The following IPCEF1 variants were observed in gnomAD, a reference collection of about 807,000 sequenced individuals.
IPCEF1 encodes interaction protein for cytohesin exchange factors 1.
In IPCEF1, 31 loss-of-function variants were observed where a neutral mutation model predicts 50.9. The observed-to-expected ratio is 0.61, with a 90% CI of 0.46 to 0.82. The LOEUF is 0.82. Among genes scored for constraint, IPCEF1 ranks in the 40% least tolerant of loss-of-function variants. IPCEF1 has a pLI of 0.00. For synonymous variants in IPCEF1, 181 were observed against 192.0 expected, an observed-to-expected ratio of 0.94 and a Z score of 0.47; for missense variants, 458 against 514.0, an observed-to-expected ratio of 0.89 and a Z score of 1.05.
intron 1 of IPCEF1, among the ~76,000 whole-genome samples, chr6:154,315,889 C>CCAATCTCAGCTCACTG (rs570280974): frequency 6.6e-6 from 1 of 151,856 alleles, no homozygotes; most frequent in Non-Finnish European, 1.5e-5. Context: ...GTGCAGTGGC[C>CCAATCTCAGCTCACTG]CAATCTCAGC....
chr6:154,174,458 A>C (rs1257533179), intron 10 of IPCEF1, among the ~76,000 whole-genome samples: 1 of 152,176 alleles, frequency 6.6e-6, no homozygotes, highest in Non-Finnish European at 1.5e-5. Flanking sequence ...CAGGCTCAAA[A>C]TAAAGGGAAG....
chr6:154,158,507 G>A lies in IPCEF1; in HGVS notation c.*1321C>T, dbSNP rs958838991. The A allele has an allele frequency of 1.3e-5, 2 of 152,168 alleles. No individual in the cohort carries two copies. The highest frequency in any genetic ancestry group is 2.9e-5 in the Non-Finnish European group (2 of 68,034). 9.4% of individuals were successfully genotyped at this position (152,168 alleles called of 1,614,324 possible). On this transcript the variant is annotated 3_prime_UTR_variant, in exon 12 of 12. Transcript: ENST00000367220. ...TTATTTAATAGAAAGGATAATCTAA[G>A]ATGAAAGTCCTTTGCTGGTTAAAAG... is the stretch of plus-strand genomic sequence containing the variant.
chr6:154,179,921 G>A (rs1202535220), intron 10 of IPCEF1, among the ~76,000 whole-genome samples: 1 of 152,112 alleles, frequency 6.6e-6, no homozygotes, highest in Non-Finnish European at 1.5e-5. Context: ...TGCCGAGATT[G>A]TAAATTTTTA....
At chr6:154,313,687 A>G (rs762778273) in intron 1 of IPCEF1, among the ~76,000 whole-genome samples, 61 of 152,270 alleles carry the variant, frequency 4.0e-4, no homozygotes, top group Admixed American at 7.8e-4. Flanking sequence ...GCTTTAATAT[A>G]AAAGAGATGT....
intron 1 of IPCEF1, among the ~76,000 whole-genome samples, chr6:154,327,737 T>G (rs1783557309): frequency 6.6e-6 from 1 of 152,232 alleles, no homozygotes; most frequent in African/African-American, 2.4e-5. Context: ...CCCAAAGGAA[T>G]AGAAATCATT....
intron 1 of IPCEF1, among the ~76,000 whole-genome samples, chr6:154,316,773 A>C (rs892619391): frequency 6.6e-6 from 1 of 152,222 alleles, no homozygotes; most frequent in Non-Finnish European, 1.5e-5. Flanking sequence ...GTGTTCTCAC[A>C]ACAAAAAATG....
At chr6:154,219,275 G>A (rs1778654459) in intron 7 of IPCEF1, 1 of 152,138 alleles carries the variant, frequency 6.6e-6, no homozygotes, top group South Asian at 2.1e-4. Context: ...AAAGCACTGA[G>A]AAGCAATTGT....
At chr6:154,324,561 A>G (rs1227849535) in intron 1 of IPCEF1, among the ~76,000 whole-genome samples, 1 of 152,136 alleles carries the variant, frequency 6.6e-6, no homozygotes, top group Non-Finnish European at 1.5e-5. Flanking sequence ...TAATCCCAAT[A>G]TTTTGGGAGG....
intron 2 of IPCEF1, among the ~76,000 whole-genome samples, chr6:154,266,780 T>C (rs185871213): frequency 7.7e-4 from 117 of 152,084 alleles, no homozygotes; most frequent in Middle Eastern, 3.4e-3. Flanking sequence ...TGTAGTGGGT[T>C]GCCTGAAAAA....
At chr6:154,190,050 C>T (rs1275932561) in intron 10 of IPCEF1, among the ~76,000 whole-genome samples, 1 of 152,018 alleles carries the variant, frequency 6.6e-6, no homozygotes, top group Non-Finnish European at 1.5e-5. Context: ...ATCTTGTAGA[C>T]AATAATGTAT....
In IPCEF1 at chr6:154,168,214, C is replaced by T. The variant is rs76498516; in HGVS notation, c.911-101G>A. ...TCCCAAGGCACGGCCCCACTGGCACCCTCATCTCAGACTTCTCTCCGGAAC... is the reference window on the plus strand; with the variant it reads ...TCCCAAGGCACGGCCCCACTGGCACTCTCATCTCAGACTTCTCTCCGGAAC... On this transcript the variant is annotated intron_variant, in intron 10 of 11. Transcript: ENST00000367220. The surrounding 1 kb of genome is among the most constrained non-coding windows in gnomAD (Gnocchi z 4.1). 5.3e-3 allele frequency: 4,243 copies of T among 806,388 alleles called. 18 individuals carry two copies. The highest frequency in any genetic ancestry group is 9.4e-3 in the South Asian group (381 of 40,670). 50.0% of individuals were successfully genotyped at this position (806,388 alleles called of 1,614,324 possible).
At chr6:154,308,643 G>T (rs1048564992) in intron 1 of IPCEF1, among the ~76,000 whole-genome samples, 1 of 152,156 alleles carries the variant, frequency 6.6e-6, no homozygotes, top group African/African-American at 2.4e-5. Context: ...CAATGGTATT[G>T]ACTAATAAAA....
chr6:154,160,046 T>G lies in IPCEF1; in HGVS notation c.1105-6A>C. On this transcript the variant is annotated splice_region_variant and splice_polypyrimidine_tract_variant and intron_variant, in intron 11 of 11. Transcript: ENST00000367220. Reference sequence around the variant, plus strand: ...GCCAGATCATGTTCTTTACACTGTGTGAGTAGAAAAAAAGGGGAAGGGGGT... The same window carrying G: ...GCCAGATCATGTTCTTTACACTGTGGGAGTAGAAAAAAAGGGGAAGGGGGT... 1 of 1,601,456 alleles carries G rather than the reference T, an allele frequency of 6.2e-7. No individual in the cohort carries two copies. The highest frequency in any genetic ancestry group is 1.3e-5 in the African/African-American group (1 of 74,114).
At chr6:154,274,238 T>G (rs1296063722) in intron 2 of IPCEF1, among the ~76,000 whole-genome samples, 1 of 152,120 alleles carries the variant, frequency 6.6e-6, no homozygotes, top group Non-Finnish European at 1.5e-5. Context: ...TGACAGATGG[T>G]TTTAAGAACC....
intron 10 of IPCEF1, among the ~76,000 whole-genome samples, chr6:154,195,375 C>T (rs1776526651): frequency 6.6e-6 from 1 of 152,024 alleles, no homozygotes; most frequent in Admixed American, 6.6e-5. Flanking sequence ...TCTCGATCTC[C>T]TGACCTTGTG....
intron 1 of IPCEF1, among the ~76,000 whole-genome samples, chr6:154,331,113 A>G (rs1783649048): frequency 6.6e-6 from 1 of 152,084 alleles, no homozygotes; most frequent in African/African-American, 2.4e-5. Flanking sequence ...CTAAAAATAC[A>G]AAAATTAACC....
chr6:154,296,964 CTAAATGTGCGATAT>C (rs958356359), intron 1 of IPCEF1, among the ~76,000 whole-genome samples: 2 of 152,122 alleles, frequency 1.3e-5, no homozygotes, highest in African/African-American at 4.8e-5. Context: ...GATGCAGATC[CTAAATGTGCGATAT>C]AAGATGACGC....
intron 1 of IPCEF1, among the ~76,000 whole-genome samples, chr6:154,356,199 T>A (rs1159690271): frequency 6.6e-6 from 1 of 152,152 alleles, no homozygotes; most frequent in Non-Finnish European, 1.5e-5. Context: ...AGCTTTCATT[T>A]TTATACCAGA....
intron 1 of IPCEF1, among the ~76,000 whole-genome samples, chr6:154,348,875 A>G (rs2499636): frequency 0.34 from 51,379 of 152,044 alleles, 9,446 homozygotes; most frequent in Middle Eastern, 0.47. Context: ...TCATCAGTCC[A>G]TAAAACTATT....
Sources: gnomAD v4.1 joint callset for allele counts (sites outside exome capture counted in the v4.1 genomes callset) on GRCh38, gnomAD v4.1.1 for gene constraint, Gnocchi (gnomAD v3.1) non-coding constraint, MANE v1.5 for transcripts, NCBI Gene and HGNC (gene_info 2026-07-23, HGNC 2026-07-21) for gene names.